The following RGS8 variants were observed in gnomAD, a reference collection of about 807,000 sequenced individuals.
RGS8 encodes the protein regulator of G protein signaling 8, also known as regulator of G-protein signaling 8.
Under a neutral mutation model 21.7 loss-of-function variants are expected in RGS8, and 8 were observed. The ratio of observed to expected loss-of-function variants is 0.37; its 90% CI spans 0.22 to 0.66. The LOEUF is 0.66. Ranked by LOEUF, RGS8 falls within the 30% of genes least tolerant of loss-of-function variation. The pLI, the probability that RGS8 is intolerant of heterozygous loss-of-function variation, is 0.59. For missense variants in RGS8, 157 were observed against 217.9 expected (o/e 0.72, Z 1.76); for synonymous variants, 80 against 83.6 (o/e 0.96, Z 0.24).
At chr1:182,707,644 T>A in the RGS8 span, among the ~76,000 whole-genome samples, 1 of 152,330 alleles carries the variant, frequency 6.6e-6, no homozygotes, top group East Asian at 1.9e-4. Flanking sequence ...GTCATCATCA[T>A]AATCAATAAA....
chr1:182,665,969 A>C, exon 5 of RGS8: 1 of 1,612,312 alleles, frequency 6.2e-7, no homozygotes, highest in South Asian at 1.1e-5. Flanking sequence ...TTCTACTTAC[A>C]CTTATGAGAG....
At chr1:182,644,463 G>T (rs1042191940), downstream of RGS8, 1 of 152,146 alleles carries the variant, frequency 6.6e-6, no homozygotes, top group African/African-American at 2.4e-5. Context: ...CCCAAGCTTG[G>T]TCTTTCACAC....
chr1:182,646,198 G>C (rs977452679), exon 7 of RGS8: 1 of 152,586 alleles, frequency 6.6e-6, no homozygotes, highest in Non-Finnish European at 1.5e-5. Flanking sequence ...TTCTCTGAGA[G>C]GTCACCTGTC....
At chr1:182,741,431 G>C in the RGS8 span, among the ~76,000 whole-genome samples, 1 of 134,812 alleles carries the variant, frequency 7.4e-6, no homozygotes, top group Non-Finnish European at 1.6e-5. Flanking sequence ...CCTCCCTCCC[G>C]GACAGGGCGG....
At chr1:182,721,016 CACATATATATGTGTGT>C in the RGS8 span, among the ~76,000 whole-genome samples, 492 of 80,046 alleles carry the variant, frequency 6.1e-3, 33 homozygotes, top group African/African-American at 0.025. Context: ...TACATATATA[CACATATATATGTGTGT>C]ATATATACAT....
rs866092011 is a variant in RGS8, at chr1:182,652,248, T to C, written c.194-3945A>G. On this transcript the variant is annotated intron_variant, in intron 5 of 6. Transcript: ENST00000483095. ...AACAGGTGCTTATGAGCAAGGTGAA[T>C]GCAGTTATGAACAAGGAAAGAATAT... 1.3e-3 allele frequency among the ~76,000 whole-genome samples: 197 copies of C among 152,324 alleles called. 1 individual carries two copies. The highest frequency in any genetic ancestry group is 4.5e-3 in the African/African-American group (189 of 41,572).
At chr1:182,726,262 CT>C in the RGS8 span, among the ~76,000 whole-genome samples, 2 of 151,782 alleles carry the variant, frequency 1.3e-5, no homozygotes, top group Non-Finnish European at 2.9e-5. Context: ...CTAAGCTTTT[CT>C]CTGTAGAATG....
the RGS8 span, chr1:182,733,807 G>A: frequency 6.6e-6 from 1 of 151,986 alleles, no homozygotes; most frequent in African/African-American, 2.4e-5. Flanking sequence ...ACTAACAGAG[G>A]TCCCTGAAGC....
chr1:182,685,817 G>A (rs957228737), upstream of RGS8, among the ~76,000 whole-genome samples: 1 of 152,168 alleles, frequency 6.6e-6, no homozygotes. Flanking sequence ...CGATTCAGCA[G>A]ACAACTCTTG....
the RGS8 span, among the ~76,000 whole-genome samples, chr1:182,718,917 G>A: frequency 4.6e-5 from 7 of 152,242 alleles, no homozygotes; most frequent in Admixed American, 2.6e-4. Flanking sequence ...CTGTAATAGC[G>A]TCGGATGGAA....
intron 5 of RGS8, 33 bp from the exon 7 acceptor site, chr1:182,648,336 T>C (rs758300081): frequency 7.5e-6 from 12 of 1,604,046 alleles, no homozygotes; most frequent in Non-Finnish European, 1.0e-5. Context: ...AGAAGAGAGA[T>C]AGGAAGCAGC....
chr1:182,725,776 G>C, the RGS8 span, among the ~76,000 whole-genome samples: 1 of 152,186 alleles, frequency 6.6e-6, no homozygotes, highest in Admixed American at 6.5e-5. Context: ...ACACAGCAGT[G>C]TCTGACGTCA....
intron 3 of RGS8, among the ~76,000 whole-genome samples, chr1:182,667,984 C>T (rs1401099458): frequency 6.6e-6 from 1 of 152,122 alleles, no homozygotes; most frequent in Non-Finnish European, 1.5e-5. Flanking sequence ...GCCCAGCTAG[C>T]CTCTGCTAAC....
chr1:182,688,660 A>T (rs574514444), upstream of RGS8, among the ~76,000 whole-genome samples: 3 of 152,322 alleles, frequency 2.0e-5, no homozygotes, highest in East Asian at 5.8e-4. Context: ...AAGACAGAAG[A>T]GTGAGTCAGA....
chr1:182,657,172 C>T (rs1255312777), intron 5 of RGS8, among the ~76,000 whole-genome samples: 2 of 151,550 alleles, frequency 1.3e-5, no homozygotes, highest in South Asian at 2.1e-4. Flanking sequence ...TAGCCTACTG[C>T]GTGGAATAGA....
intron 5 of RGS8, among the ~76,000 whole-genome samples, chr1:182,649,590 A>G (rs1400778301): frequency 6.6e-6 from 1 of 152,234 alleles, no homozygotes. Flanking sequence ...TCAATGTCAT[A>G]CATATTGTCA....
chr1:182,686,337 T>A, upstream of RGS8, among the ~76,000 whole-genome samples: 1 of 152,136 alleles, frequency 6.6e-6, no homozygotes, highest in East Asian at 1.9e-4. Context: ...ATCAGATCTG[T>A]GTTTTGAGAA....
the RGS8 span, among the ~76,000 whole-genome samples, chr1:182,739,220 C>T: frequency 6.6e-6 from 1 of 152,216 alleles, no homozygotes; most frequent in East Asian, 1.9e-4. Context: ...ACCTTCTGCT[C>T]TTTCTCTAGT....
intron 5 of RGS8, among the ~76,000 whole-genome samples, chr1:182,655,999 G>A (rs79080234): frequency 6.6e-6 from 1 of 152,156 alleles, no homozygotes; most frequent in East Asian, 1.9e-4. Flanking sequence ...TCTCTAAAAT[G>A]GGAATAATGA....
Sources: allele counts gnomAD v4.1 joint callset (sites outside exome capture counted in the v4.1 genomes callset), GRCh38; gene constraint gnomAD v4.1.1; transcripts MANE v1.5; gene names NCBI Gene and HGNC (gene_info 2026-07-23, HGNC 2026-07-21).